CHFR: variants seen among roughly 807,000 people sequenced by gnomAD.
CHFR encodes E3 ubiquitin-protein ligase CHFR.
CHFR carries 57 observed loss-of-function variants against 87.6 expected under a neutral mutation model. The ratio of observed to expected loss-of-function variants is 0.65; its 90% CI spans 0.53 to 0.81. The LOEUF (loss-of-function observed/expected upper bound fraction) is 0.81. Ranked by LOEUF, CHFR falls within the 30% of genes least tolerant of loss-of-function variation. The pLI, the probability that CHFR is intolerant of heterozygous loss-of-function variation, is 0.00. For missense variants in CHFR, 797 were observed against 865.8 expected (o/e 0.92, Z 1.00); for synonymous variants, 381 against 359.2 (o/e 1.06, Z -0.69).
intron 12 of CHFR, among the ~76,000 whole-genome samples, chr12:132,850,355 T>G (rs1364463076): frequency 6.6e-6 from 1 of 152,198 alleles, no homozygotes; most frequent in East Asian, 1.9e-4. Context: ...AATGCCTCTA[T>G]ATACGAAGCA....
chr12:132,857,245 CGGGTGCTGGTGG>C (rs1951098653), intron 9 of CHFR, among the ~76,000 whole-genome samples, 148 bp downstream of exon 9: 1 of 131,478 alleles, frequency 7.6e-6, no homozygotes. Flanking sequence ...CTCACGTGCC[CGGGTGCTGGTGG>C]AGGGACCACC....
rs1951157714 is a variant in CHFR at position 132,859,233 on chromosome 12, G to A, written c.752-6C>T. 1 of 1,611,082 alleles carries A rather than the reference G, an allele frequency of 6.2e-7. No individual in the cohort carries two copies. The highest frequency in any genetic ancestry group is 8.5e-7 in the Non-Finnish European group (1 of 1,178,450). ...GTTCAGGTCAAGGTCCCCATCTACA[G>A]GAGAAAGGGATGTGTTCTGTCGTAA... On this transcript the variant is annotated splice_polypyrimidine_tract_variant and splice_region_variant and intron_variant, in intron 7 of 17. Coordinates refer to ENST00000450056, the MANE Select transcript of CHFR (RefSeq NM_001161346.2).
chr12:132,845,789 G>C (rs1442353817), intron 15 of CHFR, among the ~76,000 whole-genome samples: 1 of 140,820 alleles, frequency 7.1e-6, no homozygotes, highest in East Asian at 2.1e-4. Flanking sequence ...GAGGGTCCCA[G>C]GACAACTGAC....
chr12:132,852,253 G>A (rs898806545), intron 11 of CHFR, among the ~76,000 whole-genome samples: 2 of 151,912 alleles, frequency 1.3e-5, no homozygotes, highest in African/African-American at 4.8e-5. Context: ...CTCCCAAAGT[G>A]CTGGGATTAC....
In CHFR at chr12:132,859,222, C is replaced by T. The variant is rs563202190; in HGVS notation, c.757G>A (p.Asp253Asn). 6 of 1,612,386 alleles carry T rather than the reference C, an allele frequency of 3.7e-6. No homozygotes were observed. The South Asian group carries it at 6.6e-5, about 18-fold the overall frequency. ...AACAACTGCCCGTTCAGGTCAAGGT[C>T]CCCATCTACAGGAGAAAGGGATGTG... ...PVKKKMRGDG[D>N]LDLNGQLLVA... The change falls in exon 8 of 18, where the codon GAC becomes AAC. Residue 253 changes from aspartate to asparagine, a missense_variant. Around this residue, in one of 2 missense-constraint regions of CHFR, gnomAD observed 597 missense variants for 601.2 expected, o/e 0.99. Coordinates refer to ENST00000450056, the MANE Select transcript of CHFR (RefSeq NM_001161346.2).
chr12:132,883,960 A>T (rs1566208532), intron 2 of CHFR, among the ~76,000 whole-genome samples: 2 of 152,114 alleles, frequency 1.3e-5, no homozygotes, highest in Non-Finnish European at 2.9e-5. Flanking sequence ...TCTACTAAAA[A>T]TACCAAAAAA....
chr12:132,880,278 C>T (rs778715024), intron 2 of CHFR, among the ~76,000 whole-genome samples: 4 of 152,064 alleles, frequency 2.6e-5, no homozygotes, highest in African/African-American at 9.7e-5. Context: ...ATCTTAGTGC[C>T]GTTGGGTCTT....
At chr12:132,876,115 G>T (rs1039684494) in intron 3 of CHFR, among the ~76,000 whole-genome samples, 3 of 151,476 alleles carry the variant, frequency 2.0e-5, no homozygotes, top group Non-Finnish European at 4.4e-5. Flanking sequence ...GTCGGAGGTC[G>T]CAGTGAGCCG....
intron 2 of CHFR, among the ~76,000 whole-genome samples, chr12:132,880,579 A>C (rs1951744118): frequency 6.6e-6 from 1 of 151,862 alleles, no homozygotes; most frequent in Non-Finnish European, 1.5e-5. Flanking sequence ...AATGGCGTGA[A>C]CCCAGGAGGT....
rs1194920549 is a variant in CHFR at position 132,837,197 on chromosome 12, C to G, written c.*4357G>C. The G allele has an allele frequency of 4.1e-6, 1 of 246,364 alleles. No homozygotes were observed. Among genetic ancestry groups the G allele is most frequent in the Non-Finnish European group, 8.0e-6 (1 of 124,330 alleles). The allele number at this position is 246,364 out of a possible 1,614,324, so 15.3% of individuals were successfully genotyped here. A position where few individuals can be genotyped will look rare whatever the true frequency, so the allele number is the denominator to read the frequency against. ...GGAGGCAGGGGTCATACATGCTGGG[C>G]CTTCAAGGGCCATGATATGGTTATC... On this transcript the variant is annotated 3_prime_UTR_variant, in exon 18 of 18. Coordinates refer to ENST00000450056, the MANE Select transcript of CHFR (RefSeq NM_001161346.2).
intron 2 of CHFR, among the ~76,000 whole-genome samples, chr12:132,882,519 A>G (rs1237631134): frequency 6.6e-6 from 1 of 152,164 alleles, no homozygotes; most frequent in Non-Finnish European, 1.5e-5. Context: ...TAAAAATCTT[A>G]TTTGTGCAAA....
chr12:132,878,756 C>G (rs1187924954), intron 2 of CHFR, among the ~76,000 whole-genome samples: 2 of 138,514 alleles, frequency 1.4e-5, no homozygotes, highest in Non-Finnish European at 3.1e-5. Context: ...GGAGGAGGAG[C>G]TTGCAGTGAG....
intron 15 of CHFR, 57 bp from the exon 16 acceptor site, chr12:132,844,191 G>T: frequency 3.5e-6 from 4 of 1,154,186 alleles, no homozygotes; most frequent in South Asian, 2.5e-5. Context: ...GCAGCGCACG[G>T]ACTTCACAGC....
intron 14 of CHFR, chr12:132,847,385 T>C: frequency 1.6e-6 from 2 of 1,237,330 alleles, no homozygotes; most frequent in Non-Finnish European, 2.1e-6. Context: ...TGCCAAGACC[T>C]ACACAGCCCA....
intron 2 of CHFR, among the ~76,000 whole-genome samples, chr12:132,882,706 GT>G (rs11287044): frequency 0.6 from 86,833 of 145,572 alleles, 26,650 homozygotes; most frequent in South Asian, 0.83. Flanking sequence ...AGAACATCAG[GT>G]TTTTTTTTTT....
At position 132,857,500 on chromosome 12, in the gene CHFR, G is replaced by A. The variant is rs1402056016; in HGVS notation, c.971C>T (p.Ser324Leu). The A allele has an allele frequency of 1.2e-6, 2 of 1,614,136 alleles. No individual in the cohort carries two copies. ...AACYSGWMER[S>L]SLCPTCRCPV... ...ACAGCGGCAGGTAGGACACAGGGAC[G>A]AGCGCTCCATCCAGCCCGAGTAGCA... The change falls in exon 9 of 18, where the codon TCG (serine) becomes TTG (leucine). Residue 324 changes from serine (S) to leucine (L), a missense_variant. Physicochemically the swap from Ser to Leu is moderately radical, Grantham distance 145. Coordinates refer to ENST00000450056, the MANE Select transcript of CHFR (RefSeq NM_001161346.2).
At chr12:132,878,121 T>C (rs2137049496) in intron 2 of CHFR, among the ~76,000 whole-genome samples, 1 of 151,230 alleles carries the variant, frequency 6.6e-6, no homozygotes, top group Non-Finnish European at 1.5e-5. Context: ...CCTTTCTGAA[T>C]CCCCACCCTC....
chr12:132,837,783 G>A lies in CHFR; in HGVS notation c.*3771C>T, dbSNP rs774098477. Reference sequence around the variant, plus strand: ...GAGGCAAGACCCGGCTTCTCTACACGGCTGCAGCCGCCCTCAGAAGGCGCA... The same window carrying A: ...GAGGCAAGACCCGGCTTCTCTACACAGCTGCAGCCGCCCTCAGAAGGCGCA... On this transcript the variant is annotated 3_prime_UTR_variant, in exon 18 of 18. Transcript: ENST00000450056. The A allele has an allele frequency of 2.6e-5, 4 of 152,370 alleles. No individual in the cohort carries two copies. The highest frequency in any genetic ancestry group is 4.4e-5 in the Non-Finnish European group (3 of 68,144). The allele number at this position is 152,370 out of a possible 1,614,324, so 9.4% of individuals were successfully genotyped here. A position where few individuals can be genotyped will look rare whatever the true frequency, so the allele number is the denominator to read the frequency against.
chr12:132,863,538 A>AAC (rs959252136), intron 6 of CHFR, among the ~76,000 whole-genome samples: 2 of 152,028 alleles, frequency 1.3e-5, no homozygotes, highest in African/African-American at 4.8e-5. Context: ...CAAACAAACA[A>AAC]AAAAAAACAG....
Sources: allele counts gnomAD v4.1 joint callset (sites outside exome capture counted in the v4.1 genomes callset), GRCh38; gene constraint gnomAD v4.1.1; regional missense constraint gnomAD v4.1.1; transcripts MANE v1.5; gene names NCBI Gene and HGNC (gene_info 2026-07-23, HGNC 2026-07-21).